Variants in LNPK observed in about 807,000 individuals in gnomAD.
LNPK encodes endoplasmic reticulum junction formation protein lunapark.
LNPK carries 29 observed loss-of-function variants against 55.2 expected under a neutral mutation model. That is an observed-to-expected ratio of 0.53 (90% CI 0.39 to 0.72). The LOEUF (loss-of-function observed/expected upper bound fraction) is 0.72, where lower values mean the gene tolerates loss of function less well. Among genes scored for constraint, LNPK ranks in the 30% least tolerant of loss-of-function variants. The pLI is 0.00. For synonymous variants in LNPK, 162 were observed against 168.2 expected (o/e 0.96, Z 0.29); for missense variants, 467 against 494.8 (o/e 0.94, Z 0.53).
At chr2:175,930,327 A>G in intron 12 of LNPK, 128 bp from the exon 13 acceptor site, 1 of 656,996 alleles carries the variant, frequency 1.5e-6, no homozygotes, top group Non-Finnish European at 2.6e-6. Flanking sequence ...CAAAGAAACC[A>G]TACAATTGTC....
At chr2:175,967,918 T>C (rs940681301) in intron 6 of LNPK, 1 of 258,630 alleles carries the variant, frequency 3.9e-6, no homozygotes, top group Non-Finnish European at 6.1e-6. Context: ...AAAGCTAAAA[T>C]TGCCAATTTA....
intron 4 of LNPK, among the ~76,000 whole-genome samples, chr2:175,981,700 C>G (rs755127976): frequency 1.3e-4 from 20 of 152,150 alleles, no homozygotes; most frequent in Non-Finnish European, 2.5e-4. Flanking sequence ...TGGATAACAG[C>G]AGAGGGAGTA....
chr2:175,984,713 C>A (rs1687326582), intron 4 of LNPK, among the ~76,000 whole-genome samples: 1 of 152,012 alleles, frequency 6.6e-6, no homozygotes, highest in Non-Finnish European at 1.5e-5. Flanking sequence ...TGATTAACAC[C>A]AAATGCTGGC....
intron 9 of LNPK, among the ~76,000 whole-genome samples, chr2:175,941,313 T>C (rs1456612871): frequency 6.3e-5 from 7 of 111,630 alleles, no homozygotes; most frequent in Non-Finnish European, 4.5e-5. Flanking sequence ...TTATATATAA[T>C]TGGGGTCCAT....
intron 8 of LNPK, among the ~76,000 whole-genome samples, chr2:175,959,331 C>G (rs914827566): frequency 6.6e-6 from 1 of 152,128 alleles, no homozygotes; most frequent in Admixed American, 6.6e-5. Context: ...AGTCGAGTTA[C>G]CCACAAAGGG....
At chr2:175,989,133 A>C (rs533248362) in intron 4 of LNPK, among the ~76,000 whole-genome samples, 1 of 152,322 alleles carries the variant, frequency 6.6e-6, no homozygotes, top group South Asian at 2.1e-4. Context: ...TTTCTTCAAA[A>C]GGTTACAAAT....
At chr2:175,941,267 ATATATTTATATT>A (rs71004250) in intron 9 of LNPK, among the ~76,000 whole-genome samples, 40,060 of 143,882 alleles carry the variant, frequency 0.28, 5,837 homozygotes, top group Middle Eastern at 0.41. Context: ...AAGCAGCCTA[ATATATTTATATT>A]TATATTTATA....
At chr2:175,943,867 A>C (rs1321584431) in intron 9 of LNPK, among the ~76,000 whole-genome samples, 1 of 152,124 alleles carries the variant, frequency 6.6e-6, no homozygotes, top group Non-Finnish European at 1.5e-5. Context: ...TAAGACCAAC[A>C]AAAAGGCAAG....
intron 9 of LNPK, among the ~76,000 whole-genome samples, chr2:175,944,575 C>G (rs1685028258): frequency 6.6e-6 from 1 of 151,976 alleles, no homozygotes; most frequent in African/African-American, 2.4e-5. Flanking sequence ...CTTTGTAAAA[C>G]AAGACAGAAT....
At position 175,938,395 on chromosome 2, in the gene LNPK, G is replaced by A. The variant is rs369637754; in HGVS notation, c.813-12C>T. ...ATATAAGTGCATACCTACACCGTAA[G>A]GAAAAATGAACAGACCAGTTACAAA... On this transcript the variant is annotated splice_polypyrimidine_tract_variant and intron_variant, in intron 10 of 12. Coordinates refer to ENST00000272748, the MANE Select transcript of LNPK (RefSeq NM_030650.3). The A allele has an allele frequency of 1.3e-6, 2 of 1,531,764 alleles. No individual in the cohort carries two copies. The highest frequency in any genetic ancestry group is 2.3e-5 in the East Asian group (1 of 43,660). 94.9% of individuals were successfully genotyped at this position (1,531,764 alleles called of 1,614,324 possible).
chr2:175,993,090 T>C (rs1687775411), intron 3 of LNPK, 92 bp downstream of exon 3: 1 of 740,286 alleles, frequency 1.4e-6, no homozygotes, highest in Non-Finnish European at 2.2e-6. Context: ...TAAATTCCCA[T>C]ACCAGATTTG....
intron 10 of LNPK, 25 bp from the exon 11 acceptor site, chr2:175,938,408 G>C (rs1684656821): frequency 1.4e-6 from 2 of 1,388,508 alleles, no homozygotes; most frequent in East Asian, 4.7e-5. Context: ...AAAATGAACA[G>C]ACCAGTTACA....
chr2:175,929,553 A>C lies in LNPK; in HGVS notation c.*414T>G. On this transcript the variant is annotated 3_prime_UTR_variant, in exon 13 of 13. Transcript: ENST00000272748. The stretch of plus-strand genomic sequence containing the variant: ...AAATTCTATCAATTTTTAATAATGA[A>C]GTAGTCAAAATCTTAACCAAGTTTC... 2.0e-6 allele frequency: 2 copies of C among 993,016 alleles called. No homozygotes were observed. Among genetic ancestry groups the C allele is most frequent in the Non-Finnish European group, 2.4e-6 (2 of 834,320 alleles). The allele number at this position is 993,016 out of a possible 1,614,324, so 61.5% of individuals were successfully genotyped here. A position where few individuals can be genotyped will look rare whatever the true frequency, so the allele number is the denominator to read the frequency against.
intron 1 of LNPK, among the ~76,000 whole-genome samples, chr2:176,001,197 G>T (rs1688147230): frequency 6.6e-6 from 1 of 152,128 alleles, no homozygotes; most frequent in Admixed American, 6.6e-5. Context: ...CTGAGGAAAA[G>T]AAATGAGCAT....
At chr2:175,969,401 C>T (rs1686548671) in intron 6 of LNPK, among the ~76,000 whole-genome samples, 1 of 152,164 alleles carries the variant, frequency 6.6e-6, no homozygotes, top group Admixed American at 6.6e-5. Flanking sequence ...TTTTCCAAGT[C>T]AGCTCTGTTA....
At chr2:175,963,639 C>T (rs1240967759) in intron 8 of LNPK, among the ~76,000 whole-genome samples, 3 of 151,752 alleles carry the variant, frequency 2.0e-5, no homozygotes, top group African/African-American at 7.3e-5. Context: ...ACCAACATGG[C>T]ACATATATAC....
upstream of LNPK, chr2:176,002,518 G>A (rs1688211170): frequency 9.9e-6 from 2 of 202,206 alleles, no homozygotes; most frequent in Non-Finnish European, 2.1e-5. Flanking sequence ...TTACTCTTCC[G>A]CTGCCTCCTT....
chr2:175,973,293 T>G (rs1186068541), intron 5 of LNPK, among the ~76,000 whole-genome samples: 1 of 152,178 alleles, frequency 6.6e-6, no homozygotes, highest in Non-Finnish European at 1.5e-5. Flanking sequence ...CAATAAAACT[T>G]TGCCATTGCT....
Position 175,972,951 on chromosome 2 carries a change from A to C in LNPK, c.317-2147T>G, listed in dbSNP as rs74602561. On this transcript the variant is annotated intron_variant, in intron 5 of 12. Coordinates refer to ENST00000272748, the MANE Select transcript of LNPK (RefSeq NM_030650.3). ...TTGCACTTGCCTTGAGGTCTGAAAA[A>C]TTCTACTGGAACTATAATTTCACCT... Among the ~76,000 whole-genome samples, 302 of 152,298 alleles carry C rather than the reference A, an allele frequency of 2.0e-3. 4 individuals carry two copies. Among genetic ancestry groups the C allele is most frequent in the African/African-American group, 6.8e-3 (283 of 41,574 alleles).
Sources: allele counts gnomAD v4.1 joint callset (sites outside exome capture counted in the v4.1 genomes callset), GRCh38; gene constraint gnomAD v4.1.1; transcripts MANE v1.5; gene names NCBI Gene and HGNC (gene_info 2026-07-23, HGNC 2026-07-21).